Variants in SLC29A4 observed in about 807,000 individuals in gnomAD.
The protein encoded by SLC29A4 is solute carrier family 29 member 4, also known as equilibrative nucleoside transporter 4.
Under a neutral mutation model 43.9 loss-of-function variants are expected in SLC29A4, and 36 were observed. That is an observed-to-expected ratio of 0.82 (90% CI 0.63 to 1.08). The LOEUF (loss-of-function observed/expected upper bound fraction) is 1.08, where lower values mean the gene tolerates loss of function less well. SLC29A4 is among the 50% of genes least tolerant of loss of function. SLC29A4 has a pLI of 0.00. For synonymous variants in SLC29A4, 491 were observed against 338.0 expected (o/e 1.45, Z -4.97); for missense variants, 869 against 755.3 (o/e 1.15, Z -1.77).
intron 10 of SLC29A4, 79 bp downstream of exon 10, chr7:5,300,741 C>A: frequency 6.5e-7 from 1 of 1,540,582 alleles, no homozygotes; most frequent in Non-Finnish European, 8.7e-7. Context: ...CCAGGCTAGA[C>A]CGCAGGAAGG....
At chr7:5,288,415 C>T (rs1339559302) in intron 2 of SLC29A4, among the ~76,000 whole-genome samples, 1 of 147,092 alleles carries the variant, frequency 6.8e-6, no homozygotes, top group East Asian at 2.0e-4. Flanking sequence ...CGCCATTCTC[C>T]TGCCTCAGCC....
rs755223089 is a variant in SLC29A4 at position 5,287,935 on chromosome 7, C to T, written c.119C>T (p.Ala40Val). ...SHQLEEAAEA[A>V]QGQGLRARGV... The stretch of plus-strand genomic sequence containing the variant: ...CAGCTGGAGGAGGCGGCGGAGGCGG[C>T]TCAGGGCCAGGGCCTTAGGGCCAGG... Residue 40 changes from alanine to valine, a missense_variant, in exon 2 of 11, where the codon GCT (alanine) becomes GTT (valine). Transcript: ENST00000396872. 1 of 1,611,374 alleles carries T rather than the reference C, an allele frequency of 6.2e-7. No individual in the cohort carries two copies.
intron 9 of SLC29A4, among the ~76,000 whole-genome samples, chr7:5,300,018 C>T (rs1449994906): frequency 6.6e-6 from 1 of 152,184 alleles, no homozygotes; most frequent in East Asian, 1.9e-4. Context: ...TGCCACTGCA[C>T]TCCAGCCTGG....
Position 5,287,892 on chromosome 7 carries a change from T to C in SLC29A4, c.76T>C (p.Phe26Leu). The change falls in exon 2 of 11, where the codon TTC (phenylalanine) becomes CTC (leucine). Residue 26 changes from phenylalanine (F) to leucine (L), a missense_variant. By Grantham distance (22) the Phe-to-Leu change is conservative. Transcript: ENST00000396872. ...GTPDPGVVMSFTFDSHQLEEA... is the reference protein window; with the variant it reads ...GTPDPGVVMSLTFDSHQLEEA... The stretch of plus-strand genomic sequence containing the variant: ...ACCAGACCCGGGCGTAGTGATGAGC[T>C]TCACCTTCGACAGTCACCAGCTGGA... 6.2e-7 allele frequency: 1 copy of C among 1,612,052 alleles called. No homozygotes were observed. The highest frequency in any genetic ancestry group is 1.1e-5 in the South Asian group (1 of 91,010).
chr7:5,297,142 G>C lies in SLC29A4; in HGVS notation c.826G>C (p.Gly276Arg), dbSNP rs1400806446. ...RDSHRGRPGL[G>R]RGYGYRVHHD... ...CAGCCACCGGGGCAGGCCAGGCCTG[G>C]GCAGGGGCTATGGCTACCGCGTGCA... Residue 276 changes from glycine (G) to arginine (R), a missense_variant, in exon 7 of 11, where the codon GGC becomes CGC. By Grantham distance (125) the Gly-to-Arg change is moderately radical. Coordinates refer to ENST00000396872, the MANE Select transcript of SLC29A4 (RefSeq NM_153247.4). 1 of 1,604,342 alleles carries C rather than the reference G, an allele frequency of 6.2e-7. No individual in the cohort carries two copies.
At chr7:5,299,912 C>T (rs920559034) in intron 9 of SLC29A4, among the ~76,000 whole-genome samples, 1 of 152,134 alleles carries the variant, frequency 6.6e-6, no homozygotes, top group Non-Finnish European at 1.5e-5. Context: ...ATTAAATGGA[C>T]GTGGTGGAGC....
In SLC29A4 at chr7:5,290,723, T is replaced by C. The variant is rs1785249951; in HGVS notation, c.170-9T>C. ...CGTGCCCCGTCTCACCTGGTGTCTC[T>C]GGCTTTAGCATTGGACGAGCCAGTG... On this transcript the variant is annotated splice_polypyrimidine_tract_variant and intron_variant, in intron 2 of 10. Coordinates refer to ENST00000396872, the MANE Select transcript of SLC29A4 (RefSeq NM_153247.4). The C allele has an allele frequency of 1.2e-5, 19 of 1,603,408 alleles. No homozygotes were observed. Among genetic ancestry groups the C allele is most frequent in the Non-Finnish European group, 1.5e-5 (18 of 1,172,396 alleles).
At chr7:5,284,133 C>G (rs958049569) in intron 1 of SLC29A4, among the ~76,000 whole-genome samples, 3 of 150,842 alleles carry the variant, frequency 2.0e-5, no homozygotes, top group African/African-American at 7.3e-5. Context: ...CTCCTGTAAT[C>G]TTGGTTCTGG....
chr7:5,291,669 C>T, intron 4 of SLC29A4, 24 bp from the exon 5 acceptor site: 3 of 1,570,184 alleles, frequency 1.9e-6, no homozygotes, highest in Non-Finnish European at 2.6e-6. Flanking sequence ...CCACCACTCC[C>T]CTCACTAGCC....
In SLC29A4 at chr7:5,293,889, G is replaced by A. The variant is rs1785472780; in HGVS notation, c.545-971G>A. Among the ~76,000 whole-genome samples the A allele has an allele frequency of 2.6e-5, 4 of 152,220 alleles. No individual in the cohort carries two copies. In the South Asian group the frequency reaches 8.3e-4, roughly 32 times the overall value. ...TGGGAGGCTGAGGCGGACAGATCAC[G>A]AGGTCAGGAGTTCGAGACCAGTCTG... On this transcript the variant is annotated intron_variant, in intron 5 of 10. Coordinates refer to ENST00000396872, the MANE Select transcript of SLC29A4 (RefSeq NM_153247.4).
intron 1 of SLC29A4, among the ~76,000 whole-genome samples, 155 bp from the exon 2 acceptor site, chr7:5,287,654 T>G (rs563571093): frequency 1.1e-4 from 16 of 152,344 alleles, no homozygotes; most frequent in African/African-American, 3.4e-4. Context: ...GGCACTTTCC[T>G]GGCTCCTTTG....
Position 5,302,892 on chromosome 7 carries a change from T to TGCCTGCAC in SLC29A4, c.1551_1558dup (p.Ser520CysfsTer34). On this transcript the variant is annotated frameshift_variant, in exon 11 of 11. Transcript: ENST00000396872. LOFTEE classifies it low-confidence loss of function (END_TRUNC). ...CCTCACCCGCGACGCTCACGGCAGC[T>TGCCTGCAC]GCCTGCACGCCTCCACCGCCAATGG... 6.2e-7 allele frequency: 1 copy of TGCCTGCAC among 1,606,048 alleles called. No homozygotes were observed. Among genetic ancestry groups the TGCCTGCAC allele is most frequent in the Non-Finnish European group, 8.5e-7 (1 of 1,177,160 alleles).
intron 5 of SLC29A4, among the ~76,000 whole-genome samples, chr7:5,293,943 A>G (rs1426163559): frequency 6.6e-6 from 1 of 152,080 alleles, no homozygotes; most frequent in African/African-American, 2.4e-5. Flanking sequence ...CGTCTCTACT[A>G]AAAATACAAA....
chr7:5,297,322 T>A, intron 7 of SLC29A4, 124 bp downstream of exon 7: 9 of 1,104,808 alleles, frequency 8.1e-6, no homozygotes, highest in Non-Finnish European at 1.1e-5. Flanking sequence ...CCTCCTGTGG[T>A]GGAGACTCCT....
chr7:5,283,914 T>C (rs11971730), intron 1 of SLC29A4, among the ~76,000 whole-genome samples: 43,498 of 152,016 alleles, frequency 0.29, 6,360 homozygotes, highest in East Asian at 0.4. Flanking sequence ...CCAGACTGGC[T>C]TTGGGGTCCC....
At chr7:5,296,887 G>A (rs1448735491) in intron 6 of SLC29A4, 49 bp from the exon 7 acceptor site, 6 of 1,425,800 alleles carry the variant, frequency 4.2e-6, no homozygotes, top group Non-Finnish European at 5.7e-6. Flanking sequence ...ACGGGGCGGT[G>A]CAGGGAGCTG....
At chr7:5,300,980 C>T (rs1355699134) in intron 10 of SLC29A4, among the ~76,000 whole-genome samples, 2 of 152,150 alleles carry the variant, frequency 1.3e-5, no homozygotes, top group African/African-American at 2.4e-5. Flanking sequence ...CAGCCCAGGC[C>T]GGGCACAGTG....
chr7:5,297,999 C>G (rs1417149573), intron 7 of SLC29A4, among the ~76,000 whole-genome samples: 15 of 152,194 alleles, frequency 9.9e-5, no homozygotes, highest in Admixed American at 9.8e-4. Flanking sequence ...CCCCCAGGCT[C>G]AGGGCCGGCA....
rs1266269245 is a variant in SLC29A4, at chr7:5,300,718, C to T, written c.1450+56C>T. 3.8e-6 allele frequency: 6 copies of T among 1,579,494 alleles called. No homozygotes were observed. The South Asian group carries it at 4.5e-5, about 12-fold the overall frequency. On this transcript the variant is annotated intron_variant, in intron 10 of 10. Coordinates refer to ENST00000396872, the MANE Select transcript of SLC29A4 (RefSeq NM_153247.4). Reference sequence around the variant, plus strand: ...GTCCTCCCAGCAGCGCAATGCCCCCCTCGCGAGGAAACCCAGGCTAGACCG... The same window carrying T: ...GTCCTCCCAGCAGCGCAATGCCCCCTTCGCGAGGAAACCCAGGCTAGACCG...
Sources: allele counts gnomAD v4.1 joint callset (sites outside exome capture counted in the v4.1 genomes callset), GRCh38; gene constraint gnomAD v4.1.1; transcripts MANE v1.5; gene names NCBI Gene and HGNC (gene_info 2026-07-23, HGNC 2026-07-21).